The following SLC2A8 variants were observed in gnomAD, a reference collection of about 807,000 sequenced individuals.
SLC2A8 encodes solute carrier family 2, facilitated glucose transporter member 8.
A neutral mutation model predicts 49.2 loss-of-function variants in SLC2A8; 53 were observed. That is an observed-to-expected ratio of 1.08 (90% CI 0.86 to 1.35). The LOEUF (loss-of-function observed/expected upper bound fraction) is 1.35. Among genes scored for constraint, SLC2A8 ranks in the 40% most tolerant of loss-of-function variants. SLC2A8 has a pLI of 0.00. For missense variants in SLC2A8, 688 were observed against 671.7 expected (o/e 1.02, Z -0.27); for synonymous variants, 299 against 297.0 (o/e 1.01, Z -0.07).
chr9:127,403,533 G>T (rs1175262314), intron 5 of SLC2A8, 127 bp from the exon 6 acceptor site: 7 of 1,082,580 alleles, frequency 6.5e-6, no homozygotes, highest in African/African-American at 1.5e-5. Context: ...GACACAGGGG[G>T]TGCTGGGATG....
Position 127,397,544 on chromosome 9 carries a change from G to GC in SLC2A8, c.219+10dup. 1 of 1,403,022 alleles carries GC rather than the reference G, an allele frequency of 7.1e-7. No individual in the cohort carries two copies. The highest frequency in any genetic ancestry group is 9.2e-7 in the Non-Finnish European group (1 of 1,090,914). 86.9% of individuals were successfully genotyped at this position (1,403,022 alleles called of 1,614,324 possible). On this transcript the variant is annotated splice_region_variant and intron_variant, in intron 2 of 9. Coordinates refer to ENST00000373371, the MANE Select transcript of SLC2A8 (RefSeq NM_014580.5). Reference sequence around the variant, plus strand: ...CCGCCGCCTCCTGGTTCGGGGTGAGGCCCCGGGCTCGCTCCTCCCGCCCTG... The same window carrying GC: ...CCGCCGCCTCCTGGTTCGGGGTGAGGCCCCCGGGCTCGCTCCTCCCGCCCTG...
At chr9:127,403,608 C>A (rs576676169) in intron 5 of SLC2A8, 52 bp from the exon 6 acceptor site, 3 of 1,608,044 alleles carry the variant, frequency 1.9e-6, no homozygotes, top group African/African-American at 2.7e-5. Flanking sequence ...AGAGGGGGGC[C>A]GCTTGCGGGA....
At position 127,397,179 on chromosome 9, in the gene SLC2A8, G is replaced by C; in HGVS notation, c.-52G>C. On this transcript the variant is annotated 5_prime_UTR_variant, in exon 1 of 10. Transcript: ENST00000373371. ...AGGCCGGTGCGGGCCGCACTCGCAG[G>C]GCCCGTGGCGGTTCAGGCGCCAGAG... The C allele has an allele frequency of 7.0e-7, 1 of 1,430,942 alleles. No homozygotes were observed. The highest frequency in any genetic ancestry group is 9.1e-7 in the Non-Finnish European group (1 of 1,100,478). 88.6% of individuals were successfully genotyped at this position (1,430,942 alleles called of 1,614,324 possible).
In SLC2A8 at chr9:127,397,287, G is replaced by A; in HGVS notation, c.56+1G>A. On this transcript the variant is annotated splice_donor_variant, in intron 1 of 9. Coordinates refer to ENST00000373371, the MANE Select transcript of SLC2A8 (RefSeq NM_014580.5). LOFTEE classifies it high-confidence loss of function. ...CGCTTCTGGGGCCTCCTGGCGGCAG[G>A]TGAGCTCCGGGGAACCCGGGCCCGG... The A allele has an allele frequency of 7.2e-7, 1 of 1,391,450 alleles. No individual in the cohort carries two copies. Among genetic ancestry groups the A allele is most frequent in the Non-Finnish European group, 9.2e-7 (1 of 1,083,594 alleles). The allele number at this position is 1,391,450 out of a possible 1,614,324, so 86.2% of individuals were successfully genotyped here. A position where few individuals can be genotyped will look rare whatever the true frequency, so the allele number is the denominator to read the frequency against.
At chr9:127,404,473 T>TCC in intron 7 of SLC2A8, 1 of 356,736 alleles carries the variant, frequency 2.8e-6, no homozygotes, top group Non-Finnish European at 5.1e-6. Context: ...TGGGAGGTGA[T>TCC]CCACGTGAGG....
At position 127,397,429 on chromosome 9, in the gene SLC2A8, C is replaced by T. The variant is rs1384352207; in HGVS notation, c.110C>T (p.Pro37Leu). 37 of 1,486,846 alleles carry T rather than the reference C, an allele frequency of 2.5e-5. No individual in the cohort carries two copies. The East Asian group carries it at 1.0e-3, about 41-fold the overall frequency. 92.1% of individuals were successfully genotyped at this position (1,486,846 alleles called of 1,614,324 possible). A position where few individuals can be genotyped will look rare whatever the true frequency, so the allele number is the denominator to read the frequency against. ...FLAAFAAALG[P>L]LSFGFALGYS... ...GCCGCCTTCGCCGCTGCCCTGGGCCCACTCAGCTTCGGCTTCGCGCTCGGC... is the reference window on the plus strand; with the variant it reads ...GCCGCCTTCGCCGCTGCCCTGGGCCTACTCAGCTTCGGCTTCGCGCTCGGC... Residue 37 changes from proline to leucine, a missense_variant, in exon 2 of 10, where the codon CCA becomes CTA. By Grantham distance (98) the Pro-to-Leu change is moderately conservative (BLOSUM62 -3). Coordinates refer to ENST00000373371, the MANE Select transcript of SLC2A8 (RefSeq NM_014580.5).
At chr9:127,405,681 C>A in intron 9 of SLC2A8, 116 bp downstream of exon 9, 1 of 1,374,392 alleles carries the variant, frequency 7.3e-7, no homozygotes, top group Non-Finnish European at 9.9e-7. Flanking sequence ...CTGAGCCCCA[C>A]CATGCCTGGG....
chr9:127,402,691 G>C lies in SLC2A8; in HGVS notation c.661G>C (p.Ala221Pro). 1 of 1,567,776 alleles carries C rather than the reference G, an allele frequency of 6.4e-7. No individual in the cohort carries two copies. The highest frequency in any genetic ancestry group is 8.6e-7 in the Non-Finnish European group (1 of 1,157,486). ...GCACAGGCGCCAGGAGGCCATGGCC[G>C]CCCTGCGGTTCCTGTGGGGCTCCGA... is the stretch of plus-strand genomic sequence containing the variant. ...TQHRRQEAMA[A>P]LRFLWGSEQG... The change falls in exon 5 of 10, where the codon GCC becomes CCC. Residue 221 changes from alanine (A) to proline (P), a missense_variant. Ala to Pro is a conservative substitution (Grantham distance 27, BLOSUM62 -1). Coordinates refer to ENST00000373371, the MANE Select transcript of SLC2A8 (RefSeq NM_014580.5).
Position 127,407,488 on chromosome 9 carries a change from C to T in SLC2A8, c.*239C>T, listed in dbSNP as rs1833532869. The T allele has an allele frequency of 4.6e-6, 3 of 654,374 alleles. No homozygotes were observed. Among genetic ancestry groups the T allele is most frequent in the African/African-American group, 1.8e-5 (1 of 55,814 alleles). 40.5% of individuals were successfully genotyped at this position (654,374 alleles called of 1,614,324 possible). ...AACACCTTCGAGCTTTGCAGACCTG[C>T]GGTCAGCCCTCCATGCGCAAGACTA... On this transcript the variant is annotated 3_prime_UTR_variant, in exon 10 of 10. Coordinates refer to ENST00000373371, the MANE Select transcript of SLC2A8 (RefSeq NM_014580.5).
In SLC2A8 at chr9:127,399,872, C is replaced by G. The variant is rs374109820; in HGVS notation, c.427-35C>G. The G allele has an allele frequency of 1.3e-6, 2 of 1,582,502 alleles. No homozygotes were observed. Among genetic ancestry groups the G allele is most frequent in the African/African-American group, 2.7e-5 (2 of 74,242 alleles). ...CTGGGATTGCAGGCATGAGCCACTG[C>G]GCCCAGCCATAAATCCTCATCTGAT... On this transcript the variant is annotated intron_variant, in intron 3 of 9. Transcript: ENST00000373371. This position sits in a 1 kb window ranked among gnomAD's most constrained non-coding sequence, Gnocchi z 4.2.
Position 127,399,866 on chromosome 9 carries a change from C to T in SLC2A8, c.427-41C>T, listed in dbSNP as rs1447959613. Reference sequence around the variant, plus strand: ...AGAGTGCTGGGATTGCAGGCATGAGCCACTGCGCCCAGCCATAAATCCTCA... The same window carrying T: ...AGAGTGCTGGGATTGCAGGCATGAGTCACTGCGCCCAGCCATAAATCCTCA... On this transcript the variant is annotated intron_variant, in intron 3 of 9. Coordinates refer to ENST00000373371, the MANE Select transcript of SLC2A8 (RefSeq NM_014580.5). This position sits in a 1 kb window ranked among gnomAD's most constrained non-coding sequence, Gnocchi z 4.2. 6.4e-7 allele frequency: 1 copy of T among 1,562,396 alleles called. No individual in the cohort carries two copies. The highest frequency in any genetic ancestry group is 2.2e-5 in the East Asian group (1 of 44,522).
At chr9:127,397,619 A>T in intron 2 of SLC2A8, 81 bp downstream of exon 2, 1 of 1,316,330 alleles carries the variant, frequency 7.6e-7, no homozygotes, top group East Asian at 3.1e-5. Context: ...TCCGCCCCCC[A>T]CCCTTCCCCT....
chr9:127,401,580 T>A (rs1046625522), intron 4 of SLC2A8, among the ~76,000 whole-genome samples: 3 of 152,214 alleles, frequency 2.0e-5, no homozygotes, highest in Admixed American at 1.3e-4. Flanking sequence ...AGGTACTGGG[T>A]GTCCACCCAC....
At chr9:127,398,866 A>G (rs1186763313) in intron 3 of SLC2A8, among the ~76,000 whole-genome samples, 2 of 152,180 alleles carry the variant, frequency 1.3e-5, no homozygotes, top group Non-Finnish European at 2.9e-5. Context: ...GCCCCCAGCC[A>G]TGGGCTTGGA....
chr9:127,398,849 A>G (rs1833153447), intron 3 of SLC2A8, among the ~76,000 whole-genome samples: 1 of 152,186 alleles, frequency 6.6e-6, no homozygotes, highest in South Asian at 2.1e-4. Context: ...TTGGTGACCC[A>G]TGAACTGCCC....
Position 127,397,228 on chromosome 9 carries a change from G to C in SLC2A8, c.-3G>C. On this transcript the variant is annotated 5_prime_UTR_variant, in exon 1 of 10. Coordinates refer to ENST00000373371, the MANE Select transcript of SLC2A8 (RefSeq NM_014580.5). The stretch of plus-strand genomic sequence containing the variant: ...AGCTGGCCGATCGGCGTTGGCCGCC[G>C]ACATGACGCCCGAGGACCCAGAGGA... 6.9e-7 allele frequency: 1 copy of C among 1,458,652 alleles called. No homozygotes were observed. Among genetic ancestry groups the C allele is most frequent in the Non-Finnish European group, 9.0e-7 (1 of 1,113,450 alleles). The allele number at this position is 1,458,652 out of a possible 1,614,324, so 90.4% of individuals were successfully genotyped here.
intron 7 of SLC2A8, 112 bp downstream of exon 7, chr9:127,404,179 CTAAT>C: frequency 4.2e-6 from 3 of 717,374 alleles, no homozygotes; most frequent in Non-Finnish European, 6.9e-6. Context: ...ACATCATGGA[CTAAT>C]GCGGCCATGA....
Position 127,404,948 on chromosome 9 carries a change from G to A in SLC2A8, c.1107G>A (p.Gly369=). The change falls in exon 8 of 10, where the codon GGG becomes GGA. Residue 369 remains glycine, a synonymous_variant. Coordinates refer to ENST00000373371, the MANE Select transcript of SLC2A8 (RefSeq NM_014580.5). The part of the protein sequence containing the change: ...VSAQPVDASV[G]LAWLAVGSMC... ...CACAGCCTGTTGATGCCAGCGTGGG[G>A]CTGGCCTGGCTGGCCGTGGGCAGCA... 1 of 1,610,324 alleles carries A rather than the reference G, an allele frequency of 6.2e-7. No homozygotes were observed. The highest frequency in any genetic ancestry group is 8.5e-7 in the Non-Finnish European group (1 of 1,179,140).
intron 8 of SLC2A8, 106 bp from the exon 9 acceptor site, chr9:127,405,314 C>G: frequency 2.2e-6 from 3 of 1,338,792 alleles, no homozygotes; most frequent in Non-Finnish European, 2.0e-6. Flanking sequence ...GATCCGGGAC[C>G]CCACAGCCCC....
Sources: gnomAD v4.1 joint callset for allele counts (sites outside exome capture counted in the v4.1 genomes callset) on GRCh38, gnomAD v4.1.1 for gene constraint, Gnocchi (gnomAD v3.1) non-coding constraint, MANE v1.5 for transcripts, NCBI Gene and HGNC (gene_info 2026-07-23, HGNC 2026-07-21) for gene names.